CAST: variants seen among roughly 807,000 people sequenced by gnomAD.
CAST encodes the protein MIR583 host.
In CAST, 76 loss-of-function variants were observed where a neutral mutation model predicts 119.6. The ratio of observed to expected loss-of-function variants is 0.64; its 90% confidence interval spans 0.53 to 0.77. The LOEUF is 0.77. Ranked by LOEUF, CAST falls within the 30% of genes least tolerant of loss-of-function variation. The probability of loss-of-function intolerance (pLI) is 0.00; values close to 1 mark genes in which losing one functional copy is unlikely to be tolerated. For synonymous variants in CAST, 319 were observed against 331.6 expected, an observed-to-expected ratio of 0.96 and a Z score of 0.41; for missense variants, 953 against 946.5, an observed-to-expected ratio of 1.01 and a Z score of -0.09.
intron 1 of CAST, among the ~76,000 whole-genome samples, chr5:96,574,936 T>A (rs2168627): frequency 0.064 from 9,792 of 152,232 alleles, 869 homozygotes; most frequent in East Asian, 0.31. Context: ...ACCATAGAAT[T>A]GGTTTGTATA....
intron 1 of CAST, among the ~76,000 whole-genome samples, chr5:96,592,959 G>T (rs1746990688): frequency 6.6e-6 from 1 of 152,028 alleles, no homozygotes; most frequent in African/African-American, 2.4e-5. Context: ...TAGAGACAGG[G>T]TTTCACCATG....
intron 1 of CAST, among the ~76,000 whole-genome samples, chr5:96,619,500 A>G (rs536237372): frequency 2.6e-5 from 4 of 152,372 alleles, no homozygotes; most frequent in South Asian, 2.1e-4. Context: ...TGCCCGAACT[A>G]GCAGCAGCAA....
the CAST span, among the ~76,000 whole-genome samples, chr5:96,376,733 C>T: frequency 6.6e-6 from 1 of 152,204 alleles, no homozygotes; most frequent in Non-Finnish European, 1.5e-5. Flanking sequence ...TGCCACCATA[C>T]CCAGCCCCAT....
chr5:96,169,709 A>G, the CAST span, among the ~76,000 whole-genome samples: 8 of 152,064 alleles, frequency 5.3e-5, no homozygotes, highest in Admixed American at 1.3e-4. Flanking sequence ...CAAGGAGGGA[A>G]TAGAGGTGTG....
At chr5:96,003,806 C>A in the CAST span, among the ~76,000 whole-genome samples, 1 of 152,124 alleles carries the variant, frequency 6.6e-6, no homozygotes, top group Non-Finnish European at 1.5e-5. Context: ...TTTAGGTAAA[C>A]CACATTTCCC....
the CAST span, among the ~76,000 whole-genome samples, chr5:96,212,480 G>T: frequency 2.6e-5 from 4 of 152,208 alleles, no homozygotes; most frequent in African/African-American, 9.6e-5. Context: ...ATTTGTTGAG[G>T]TTTGTTTTAT....
the CAST span, among the ~76,000 whole-genome samples, chr5:96,214,670 G>A: frequency 2.0e-5 from 3 of 152,110 alleles, no homozygotes; most frequent in Non-Finnish European, 4.4e-5. Flanking sequence ...GGCAGTGAGA[G>A]GAGAGAAAAT....
the CAST span, among the ~76,000 whole-genome samples, chr5:96,515,072 A>G: frequency 2.6e-5 from 4 of 152,020 alleles, no homozygotes; most frequent in African/African-American, 4.8e-5. Context: ...TTAAATGTCA[A>G]TCTTTCTCTT....
chr5:96,345,441 T>C, the CAST span, among the ~76,000 whole-genome samples: 468 of 152,314 alleles, frequency 3.1e-3, 1 homozygote, highest in African/African-American at 0.011. Context: ...GACTTAGCAT[T>C]GGGCTCCATT....
At chr5:96,688,308 A>G (rs569239082) in intron 2 of CAST, among the ~76,000 whole-genome samples, 1 of 152,368 alleles carries the variant, frequency 6.6e-6, no homozygotes, top group South Asian at 2.1e-4. Context: ...AATTAAAACA[A>G]ATTAGAAATG....
At chr5:96,450,785 C>T in the CAST span, among the ~76,000 whole-genome samples, 1 of 152,254 alleles carries the variant, frequency 6.6e-6, no homozygotes, top group Non-Finnish European at 1.5e-5. Context: ...AAATGCACCC[C>T]TAACATTCTG....
the CAST span, among the ~76,000 whole-genome samples, chr5:96,428,799 A>G: frequency 4.6e-5 from 7 of 152,262 alleles, no homozygotes; most frequent in Middle Eastern, 6.8e-3. Context: ...TTGAGCCCAC[A>G]TTGGTATTAA....
At chr5:96,681,081 T>C (rs1246059066) in intron 2 of CAST, among the ~76,000 whole-genome samples, 1 of 152,272 alleles carries the variant, frequency 6.6e-6, no homozygotes, top group Non-Finnish European at 1.5e-5. Context: ...TACAAGATTC[T>C]TTTCAACTGT....
At chr5:96,408,511 A>G in the CAST span, among the ~76,000 whole-genome samples, 1 of 152,160 alleles carries the variant, frequency 6.6e-6, no homozygotes, top group East Asian at 1.9e-4. Context: ...TTCACCCTCT[A>G]TATGCAACTT....
the CAST span, among the ~76,000 whole-genome samples, chr5:96,322,789 T>A: frequency 6.6e-6 from 1 of 152,136 alleles, no homozygotes; most frequent in East Asian, 1.9e-4. Context: ...CCACATTGCC[T>A]CAACATATCA....
At chr5:96,561,355 T>TA (rs55783334) in intron 1 of CAST, among the ~76,000 whole-genome samples, 11 of 130,572 alleles carry the variant, frequency 8.4e-5, no homozygotes, top group African/African-American at 2.1e-4. Context: ...TAAAGTATAA[T>TA]AAAAAAAAGA....
At chr5:96,093,888 C>A in the CAST span, among the ~76,000 whole-genome samples, 1 of 152,160 alleles carries the variant, frequency 6.6e-6, no homozygotes, top group Non-Finnish European at 1.5e-5. Flanking sequence ...TGACCAAGCT[C>A]AAAGAAGTTT....
chr5:96,320,481 G>A, the CAST span, among the ~76,000 whole-genome samples: 5 of 151,994 alleles, frequency 3.3e-5, 1 homozygote, highest in South Asian at 4.2e-4. Flanking sequence ...CAGGTGATCC[G>A]CCCGCCTCAG....
chr5:96,266,751 A>G, the CAST span, among the ~76,000 whole-genome samples: 1 of 152,232 alleles, frequency 6.6e-6, no homozygotes, highest in East Asian at 1.9e-4. Context: ...TAATTCATCA[A>G]TGCAATGATA....
Sources: allele counts gnomAD v4.1 joint callset (sites outside exome capture counted in the v4.1 genomes callset), GRCh38; gene constraint gnomAD v4.1.1; transcripts MANE v1.5; gene names NCBI Gene and HGNC (gene_info 2026-07-23, HGNC 2026-07-21).